The following SSRP1 variants were observed in gnomAD, a reference collection of about 807,000 sequenced individuals.
SSRP1 encodes the protein FACT complex subunit SSRP1.
In SSRP1, 21 loss-of-function variants were observed where a neutral mutation model predicts 84.4. The ratio of observed to expected loss-of-function variants is 0.25; its 90% confidence interval spans 0.18 to 0.36. The LOEUF is 0.36. SSRP1 is among the 10% of genes least tolerant of loss of function. The probability of loss-of-function intolerance (pLI) is 1.00; values close to 1 mark genes in which losing one functional copy is unlikely to be tolerated. For missense variants in SSRP1, 519 were observed against 900.8 expected, an observed-to-expected ratio of 0.58 and a Z score of 5.43; for synonymous variants, 319 against 318.3, an observed-to-expected ratio of 1.00 and a Z score of -0.02.
intron 8 of SSRP1, 34 bp from the exon 9 acceptor site, chr11:57,331,923 A>G (rs1038037680): frequency 6.3e-7 from 1 of 1,586,340 alleles, no homozygotes; most frequent in Non-Finnish European, 8.6e-7. Context: ...GGTTAGTGCC[A>G]ACCTCAGCAG....
chr11:57,326,563 C>G, intron 16 of SSRP1, 85 bp from the exon 17 acceptor site: 2 of 1,601,618 alleles, frequency 1.2e-6, no homozygotes. Flanking sequence ...AATTCCCTAC[C>G]GCCCCCAACT....
rs186994419 is a variant in SSRP1 at position 57,330,266 on chromosome 11, G to A, written c.1435+25C>T. On this transcript the variant is annotated intron_variant, in intron 11 of 16. Transcript: ENST00000278412. The surrounding 1 kb of genome is among the most constrained non-coding windows in gnomAD (Gnocchi z 4.0). ...CAGCGAGGAGCGTCTGACCATCCTC[G>A]TGCTCAGCACGGAGGCTAACCCACC... 3.7e-3 allele frequency: 5,975 copies of A among 1,614,188 alleles called. 26 individuals are homozygous for A. Among genetic ancestry groups the A allele is most frequent in the Non-Finnish European group, 4.1e-3 (4,871 of 1,180,028 alleles).
chr11:57,328,229 A>G (rs1014053140), intron 13 of SSRP1, 68 bp downstream of exon 13: 1 of 1,581,220 alleles, frequency 6.3e-7, no homozygotes, highest in African/African-American at 1.3e-5. Flanking sequence ...AGGAGAAGGT[A>G]AAGAGAATGC....
Position 57,335,379 on chromosome 11 carries a change from G to T in SSRP1, c.-119-139C>A, listed in dbSNP as rs1472713376. Reference sequence around the variant, plus strand: ...TGGAAACCTACAGACGGACGCTGCAGTGCCCGAGGGTCCAGGTCCAGGCCT... The same window carrying T: ...TGGAAACCTACAGACGGACGCTGCATTGCCCGAGGGTCCAGGTCCAGGCCT... On this transcript the variant is annotated intron_variant, in intron 1 of 16. Transcript: ENST00000278412. This position sits in a 1 kb window ranked among gnomAD's most constrained non-coding sequence, Gnocchi z 4.6. 6.6e-6 allele frequency: 3 copies of T among 453,574 alleles called. No individual in the cohort carries two copies. Among genetic ancestry groups the T allele is most frequent in the Non-Finnish European group, 8.2e-6 (2 of 242,776 alleles). 28.1% of individuals were successfully genotyped at this position (453,574 alleles called of 1,614,324 possible). A position where few individuals can be genotyped will look rare whatever the true frequency, so the allele number is the denominator to read the frequency against.
At chr11:57,331,069 C>T (rs56916545) in intron 9 of SSRP1, 142 bp from the exon 10 acceptor site, 8,946 of 836,348 alleles carry the variant, frequency 0.011, 408 homozygotes, top group East Asian at 0.098. Context: ...AGCTTAGAAA[C>T]CCCCAGAGGA....
rs374232111 is a variant in SSRP1 at position 57,332,385 on chromosome 11, G to A, written c.870C>T (p.Asn290=). 18 of 1,613,972 alleles carry A rather than the reference G, an allele frequency of 1.1e-5. No homozygotes were observed. Among genetic ancestry groups the A allele is most frequent in the South Asian group, 9.9e-5 (9 of 91,076 alleles). Residue 290 remains asparagine, a splice_region_variant and synonymous_variant, in exon 7 of 17, where the codon AAC becomes AAT. Coordinates refer to ENST00000278412, the MANE Select transcript of SSRP1 (RefSeq NM_003146.3). This position sits in a 1 kb window ranked among gnomAD's most constrained non-coding sequence, Gnocchi z 5.5. ...DEDISLTLNM[N]EEEVEKRFEG... ...AACGAGTCCAGGGAGACACTCACTCGTTCATGTTCAGAGTCAACGAAATGT... is the reference window on the plus strand; with the variant it reads ...AACGAGTCCAGGGAGACACTCACTCATTCATGTTCAGAGTCAACGAAATGT...
rs763410271 is a variant in SSRP1 at position 57,330,274 on chromosome 11, C to T, written c.1435+17G>A. The stretch of plus-strand genomic sequence containing the variant: ...AGCGTCTGACCATCCTCGTGCTCAG[C>T]ACGGAGGCTAACCCACCGGTTTCTT... On this transcript the variant is annotated intron_variant, in intron 11 of 16. Transcript: ENST00000278412. The surrounding 1 kb of genome is among the most constrained non-coding windows in gnomAD (Gnocchi z 4.0). The T allele has an allele frequency of 6.2e-7, 1 of 1,614,232 alleles. No individual in the cohort carries two copies. Among genetic ancestry groups the T allele is most frequent in the East Asian group, 2.2e-5 (1 of 44,888 alleles).
In SSRP1 at chr11:57,330,049, T is replaced by G. The variant is rs1400402687; in HGVS notation, c.1481+44A>C. ...CAGAAATCTTCTGGTCCCTTAAGCT[T>G]ATGGGTCACCATCTTATCCCCACAA... On this transcript the variant is annotated intron_variant, in intron 12 of 16. Transcript: ENST00000278412. This position sits in a 1 kb window ranked among gnomAD's most constrained non-coding sequence, Gnocchi z 4.0. The G allele has an allele frequency of 6.2e-7, 1 of 1,612,472 alleles. No homozygotes were observed. The highest frequency in any genetic ancestry group is 1.3e-5 in the African/African-American group (1 of 74,902).
rs755268663 is a variant in SSRP1 at position 57,334,624 on chromosome 11, G to A, written c.79C>T (p.Arg27Cys). Residue 27 changes from arginine (R) to cysteine (C), a missense_variant, in exon 3 of 17, where the codon CGT becomes TGT. Around this residue, in one of 7 missense-constraint regions of SSRP1, gnomAD observed 88 missense variants for 122.0 expected, o/e 0.72. Transcript: ENST00000278412. ...SMNDGRLRLS[R>C]QGIIFKNSKT... is the part of the protein sequence containing the mutation. ...CTATTCTTGAAGATGATGCCCTGACGGCTCAACCTCAGTCGACCATCATTC... is the reference window on the plus strand; with the variant it reads ...CTATTCTTGAAGATGATGCCCTGACAGCTCAACCTCAGTCGACCATCATTC... The A allele has an allele frequency of 5.0e-5, 81 of 1,613,972 alleles. No individual in the cohort carries two copies. Among genetic ancestry groups the A allele is most frequent in the Non-Finnish European group, 6.4e-5 (75 of 1,180,042 alleles).
rs1008146187 is a variant in SSRP1 at position 57,326,094 on chromosome 11, C to T, written c.*313G>A. On this transcript the variant is annotated 3_prime_UTR_variant, in exon 17 of 17. Coordinates refer to ENST00000278412, the MANE Select transcript of SSRP1 (RefSeq NM_003146.3). ...AGCTACAGGCCTGGCCTCACATGAC[C>T]CCTGCTCCAGCAACTTGAACAGGAC... 2.0e-5 allele frequency: 8 copies of T among 401,912 alleles called. No homozygotes were observed. The highest frequency in any genetic ancestry group is 3.2e-5 in the Non-Finnish European group (7 of 221,616). The allele number at this position is 401,912 out of a possible 1,614,324, so 24.9% of individuals were successfully genotyped here. A position where few individuals can be genotyped will look rare whatever the true frequency, so the allele number is the denominator to read the frequency against.
Position 57,335,006 on chromosome 11 carries a change from G to A in SSRP1, c.54+62C>T, listed in dbSNP as rs965810043. The A allele has an allele frequency of 1.9e-6, 3 of 1,588,062 alleles. No individual in the cohort carries two copies. Among genetic ancestry groups the A allele is most frequent in the Admixed American group, 1.7e-5 (1 of 59,926 alleles). ...GTTACCAAAGCAAGCTCTCATTAAT[G>A]GACAAAAACTCTACCCTCCTTCCTT... is the stretch of plus-strand genomic sequence containing the variant. On this transcript the variant is annotated intron_variant, in intron 2 of 16. Transcript: ENST00000278412. The surrounding 1 kb of genome is among the most constrained non-coding windows in gnomAD (Gnocchi z 4.6).
At chr11:57,334,331 G>A (rs1856160688) in intron 3 of SSRP1, 132 bp downstream of exon 3, 1 of 980,050 alleles carries the variant, frequency 1.0e-6, no homozygotes, top group Admixed American at 2.4e-5. Context: ...TTGCCTGATG[G>A]CCTCACAGCC....
intron 12 of SSRP1, 103 bp downstream of exon 12, chr11:57,329,990 G>A: frequency 7.1e-7 from 1 of 1,413,726 alleles, no homozygotes; most frequent in Non-Finnish European, 1.0e-6. Flanking sequence ...TCCCATTCTG[G>A]GTCAGTAGCT....
rs1179549921 is a variant in SSRP1, at chr11:57,326,663, T to A, written c.2058+40A>T. The A allele has an allele frequency of 3.8e-6, 6 of 1,599,662 alleles. No homozygotes were observed. In the African/African-American group the frequency reaches 5.4e-5, roughly 15 times the overall value. On this transcript the variant is annotated intron_variant, in intron 16 of 16. Coordinates refer to ENST00000278412, the MANE Select transcript of SSRP1 (RefSeq NM_003146.3). ...AACCCCACACAGACACACATGCCCCTCACCCTGCCCAGCCCACAGGCCCCA... is the reference window on the plus strand; with the variant it reads ...AACCCCACACAGACACACATGCCCCACACCCTGCCCAGCCCACAGGCCCCA...
At position 57,332,620 on chromosome 11, in the gene SSRP1, C is replaced by T; in HGVS notation, c.768+5G>A. ...GATTATCCGGCCATAGGGGTTTCTG[C>T]TTACCACAAAGAACATCTGGCGCTG... On this transcript the variant is annotated splice_donor_5th_base_variant and intron_variant, in intron 6 of 16. Transcript: ENST00000278412. The surrounding 1 kb of genome is among the most constrained non-coding windows in gnomAD (Gnocchi z 5.5). 1 of 1,610,380 alleles carries T rather than the reference C, an allele frequency of 6.2e-7. No homozygotes were observed. Among genetic ancestry groups the T allele is most frequent in the Non-Finnish European group, 8.5e-7 (1 of 1,177,250 alleles).
rs768440204 is a variant in SSRP1, at chr11:57,332,422, G to C, written c.833C>G (p.Ser278Cys). ...TRYHFLILLF[S>C]KDEDISLTLN... ...AGTCAACGAAATGTCCTCGTCCTTG[G>C]AGAAGAGGAGGATCAGGAAGTGGTA... The change falls in exon 7 of 17, where the codon TCC (serine) becomes TGC (cysteine). Residue 278 changes from serine to cysteine, a missense_variant. By Grantham distance (112) the Ser-to-Cys change is moderately radical. This residue lies in a region of SSRP1 where 159 missense variants were observed against 359.0 expected (regional missense o/e 0.44). Coordinates refer to ENST00000278412, the MANE Select transcript of SSRP1 (RefSeq NM_003146.3). The surrounding 1 kb of genome is among the most constrained non-coding windows in gnomAD (Gnocchi z 5.5). 3 of 1,614,124 alleles carry C rather than the reference G, an allele frequency of 1.9e-6. No individual in the cohort carries two copies. The highest frequency in any genetic ancestry group is 3.3e-4 in the Middle Eastern group (2 of 6,062).
chr11:57,333,001 G>A lies in SSRP1; in HGVS notation c.495C>T (p.Phe165=), dbSNP rs11540303. Residue 165 remains phenylalanine (F), a synonymous_variant, in exon 5 of 17, where the codon TTC becomes TTT. Transcript: ENST00000278412. The stretch of plus-strand genomic sequence containing the variant: ...CATCCTCCTGGGTGGGTGGGACGTA[G>A]AAGCGCACCTCCATGAGAGACACCT... ...DAEVSLMEVR[F]YVPPTQEDGV... 453 of 1,614,044 alleles carry A rather than the reference G, an allele frequency of 2.8e-4. 1 individual carries two copies. The highest frequency in any genetic ancestry group is 6.0e-4 in the Admixed American group (36 of 60,014).
Position 57,334,605 on chromosome 11 carries a change from T to C in SSRP1, c.98A>G (p.Lys33Arg), listed in dbSNP as rs1856167577. ...LRLSRQGIIF[K>R]NSKTGKVDNI... ...GTCCACTTTGCCTGTCTTGCTATTC[T>C]TGAAGATGATGCCCTGACGGCTCAA... is the stretch of plus-strand genomic sequence containing the variant. Residue 33 changes from lysine (K) to arginine (R), a missense_variant, in exon 3 of 17, where the codon AAG becomes AGG. Coordinates refer to ENST00000278412, the MANE Select transcript of SSRP1 (RefSeq NM_003146.3). The C allele has an allele frequency of 6.2e-7, 1 of 1,614,228 alleles. No individual in the cohort carries two copies. Among genetic ancestry groups the C allele is most frequent in the Non-Finnish European group, 8.5e-7 (1 of 1,180,048 alleles).
intron 4 of SSRP1, 97 bp from the exon 5 acceptor site, chr11:57,333,246 C>T (rs780289581): frequency 2.4e-5 from 34 of 1,388,018 alleles, no homozygotes; most frequent in East Asian, 1.4e-4. Context: ...CAGGATACTG[C>T]GGTTAGTCTG....
Sources: gnomAD v4.1 joint callset for allele counts on GRCh38, gnomAD v4.1.1 for gene constraint, gnomAD v4.1.1 regional missense constraint, Gnocchi (gnomAD v3.1) non-coding constraint, MANE v1.5 for transcripts, NCBI Gene and HGNC (gene_info 2026-07-23, HGNC 2026-07-21) for gene names.